TMEM131: variants seen among roughly 807,000 people sequenced by gnomAD.
The protein encoded by TMEM131 is transmembrane protein 131.
TMEM131 carries 66 observed loss-of-function variants against 211.6 expected under a neutral mutation model. The observed-to-expected ratio is 0.31, with a 90% CI of 0.26 to 0.38. TMEM131 has a LOEUF of 0.38. Ranked by LOEUF, TMEM131 falls within the 10% of genes least tolerant of loss-of-function variation. The probability of loss-of-function intolerance (pLI) is 1.00; values close to 1 mark genes in which losing one functional copy is unlikely to be tolerated. For missense variants in TMEM131, 2,036 were observed against 2,299.3 expected (o/e 0.89, Z 2.34); for synonymous variants, 844 against 841.3 (o/e 1.00, Z -0.06).
chr2:97,834,982 AT>A, intron 8 of TMEM131, 57 bp from the exon 9 acceptor site: 1 of 1,583,126 alleles, frequency 6.3e-7, no homozygotes, highest in Non-Finnish European at 8.6e-7. Flanking sequence ...CAAAACCACC[AT>A]TTTTTATTGA....
chr2:97,789,634 A>G (rs1235180297), intron 31 of TMEM131, among the ~76,000 whole-genome samples: 1 of 152,206 alleles, frequency 6.6e-6, no homozygotes, highest in Admixed American at 6.5e-5. Flanking sequence ...CCCTTGATAA[A>G]GCCAAAGCCA....
At chr2:97,975,988 A>C (rs1331985915) in intron 1 of TMEM131, among the ~76,000 whole-genome samples, 2 of 152,176 alleles carry the variant, frequency 1.3e-5, no homozygotes, top group Non-Finnish European at 2.9e-5. Flanking sequence ...TGATACAGAC[A>C]AGGCATTTGA....
chr2:97,956,588 T>C (rs1678576753), intron 1 of TMEM131, among the ~76,000 whole-genome samples: 2 of 152,182 alleles, frequency 1.3e-5, no homozygotes, highest in Non-Finnish European at 2.9e-5. Flanking sequence ...TTCTTGGGCA[T>C]AGTAGTAACT....
rs2104701774 is a variant in TMEM131 at position 97,995,693 on chromosome 2, G to C, written c.-31C>G. On this transcript the variant is annotated 5_prime_UTR_variant, in exon 1 of 41. Coordinates refer to ENST00000186436, the MANE Select transcript of TMEM131 (RefSeq NM_015348.2). ...CCGGCCGGGGGCCGCCGCGCTCGAG[G>C]TCCGGCGCGGCCCTTCTCGGCGAGG... 8.4e-7 allele frequency: 1 copy of C among 1,187,154 alleles called. No homozygotes were observed. Among genetic ancestry groups the C allele is most frequent in the East Asian group, 3.6e-5 (1 of 27,436 alleles). The allele number at this position is 1,187,154 out of a possible 1,614,324, so 73.5% of individuals were successfully genotyped here.
chr2:97,886,259 T>C (rs561932816), intron 4 of TMEM131, among the ~76,000 whole-genome samples: 87 of 152,314 alleles, frequency 5.7e-4, no homozygotes, highest in African/African-American at 1.9e-3. Flanking sequence ...GCATTTAGTA[T>C]ATTTTCTTAT....
chr2:97,889,492 TAATC>T (rs1176959192), intron 3 of TMEM131, among the ~76,000 whole-genome samples: 2 of 151,586 alleles, frequency 1.3e-5, no homozygotes, highest in Admixed American at 6.6e-5. Flanking sequence ...ACATAAATCT[TAATC>T]AAATCAAGGA....
chr2:97,943,089 G>GAAAGAAAGAAAGAAAC lies in TMEM131; in HGVS notation c.188-15603_188-15602insGTTTCTTTCTTTCTTT, dbSNP rs1559464696. ...AGAAAGAAAGAAAGAAAGAAAGAAA[G>GAAAGAAAGAAAGAAAC]AAAGAAAGAAAGAGCTGGGTGTGGT... On this transcript the variant is annotated intron_variant, in intron 1 of 40. Coordinates refer to ENST00000186436, the MANE Select transcript of TMEM131 (RefSeq NM_015348.2). 2.0e-5 allele frequency among the ~76,000 whole-genome samples: 3 copies of GAAAGAAAGAAAGAAAC among 147,054 alleles called. No individual in the cohort carries two copies. In the East Asian group the frequency reaches 5.9e-4, roughly 29 times the overall value.
intron 3 of TMEM131, among the ~76,000 whole-genome samples, chr2:97,906,932 A>G (rs1676096229): frequency 6.6e-6 from 1 of 152,230 alleles, no homozygotes. Context: ...AGATGAGAAT[A>G]TAATTATGTA....
At chr2:97,780,340 A>G (rs1023671488) in intron 31 of TMEM131, among the ~76,000 whole-genome samples, 2 of 152,096 alleles carry the variant, frequency 1.3e-5, no homozygotes, top group Non-Finnish European at 2.9e-5. Flanking sequence ...TGCCTTTCTC[A>G]TGCACCTCCA....
chr2:97,912,740 G>A (rs969719827), intron 2 of TMEM131, among the ~76,000 whole-genome samples: 26 of 152,154 alleles, frequency 1.7e-4, no homozygotes, highest in African/African-American at 6.0e-4. Context: ...TCCCACCCAT[G>A]CTTCTGTCAT....
At chr2:97,865,483 A>G (rs1238559046) in intron 4 of TMEM131, among the ~76,000 whole-genome samples, 1 of 152,204 alleles carries the variant, frequency 6.6e-6, no homozygotes, top group Non-Finnish European at 1.5e-5. Flanking sequence ...AGGCATTATT[A>G]TCATGAAAGG....
At chr2:97,954,305 C>A (rs2104543412) in intron 1 of TMEM131, among the ~76,000 whole-genome samples, 1 of 152,282 alleles carries the variant, frequency 6.6e-6, no homozygotes, top group Admixed American at 6.5e-5. Flanking sequence ...AAAGCACAAC[C>A]ATCAGGAATG....
At chr2:97,757,428 A>C in intron 40 of TMEM131, 45 bp from the exon 41 acceptor site, 3 of 1,536,990 alleles carry the variant, frequency 2.0e-6, no homozygotes, top group Non-Finnish European at 2.6e-6. Context: ...CGGCAGGCAG[A>C]GGGTCAAGTG....
chr2:97,820,192 C>T (rs181047695), intron 11 of TMEM131, among the ~76,000 whole-genome samples: 241 of 152,288 alleles, frequency 1.6e-3, no homozygotes, highest in African/African-American at 5.5e-3. Context: ...TCAAGAACTC[C>T]TTCTCAATTG....
rs199651021 is a variant in TMEM131 at position 97,757,172 on chromosome 2, C to T, written c.5579G>A (p.Arg1860Gln). Reference protein sequence around the residue: ...DDLGQTYNPWRIWSPTIGRRS... With the variant: ...DDLGQTYNPWQIWSPTIGRRS... The stretch of plus-strand genomic sequence containing the variant: ...TCTTCCAATCGTGGGGCTCCATATC[C>T]GCCACGGGTTGTAGGTCTGTCCCAA... Residue 1860 changes from arginine to glutamine, a missense_variant, in exon 41 of 41, where the codon CGG becomes CAG. Physicochemically the swap from Arg to Gln is conservative, Grantham distance 43. Transcript: ENST00000186436. The T allele has an allele frequency of 7.9e-4, 1,280 of 1,613,828 alleles. 2 individuals are homozygous for T. Among genetic ancestry groups the T allele is most frequent in the Middle Eastern group, 2.3e-3 (14 of 6,060 alleles).
rs535225659 is a variant in TMEM131 at position 97,865,135 on chromosome 2, CAAG to C, written c.360-5711_360-5709del. Among the ~76,000 whole-genome samples the C allele has an allele frequency of 2.0e-4, 31 of 152,354 alleles. No individual in the cohort carries two copies. In the East Asian group the frequency reaches 4.6e-3, roughly 23 times the overall value. ...GGGATTATCTCTCCTTTTAAATTCA[CAAG>C]AAGAGACAAAGACCAGGGCTTGGCC... is the stretch of plus-strand genomic sequence containing the variant. On this transcript the variant is annotated intron_variant, in intron 4 of 40. Transcript: ENST00000186436.
At chr2:97,833,135 T>G (rs1270208710) in intron 11 of TMEM131, among the ~76,000 whole-genome samples, 1 of 152,218 alleles carries the variant, frequency 6.6e-6, no homozygotes, top group Non-Finnish European at 1.5e-5. Flanking sequence ...AAGAAACTCA[T>G]GAACTTTGGT....
intron 4 of TMEM131, among the ~76,000 whole-genome samples, chr2:97,871,802 TAA>T (rs1212795347): frequency 1.3e-5 from 2 of 152,208 alleles, no homozygotes; most frequent in Admixed American, 1.3e-4. Context: ...CTCATGTTAG[TAA>T]AACTCTTTAT....
chr2:97,859,075 A>G (rs1397282879), intron 5 of TMEM131, among the ~76,000 whole-genome samples: 2 of 152,218 alleles, frequency 1.3e-5, no homozygotes, highest in African/African-American at 2.4e-5. Flanking sequence ...TAAGAATGCT[A>G]CCTTTTTCAG....
Sources: gnomAD v4.1 joint callset for allele counts (sites outside exome capture counted in the v4.1 genomes callset) on GRCh38, gnomAD v4.1.1 for gene constraint, MANE v1.5 for transcripts, NCBI Gene and HGNC (gene_info 2026-07-23, HGNC 2026-07-21) for gene names.